Variants in SPIDR observed in about 807,000 individuals in gnomAD.
The protein encoded by SPIDR is scaffold protein involved in DNA repair, also known as DNA repair-scaffolding protein.
Under a neutral mutation model 104.6 loss-of-function variants are expected in SPIDR, and 93 were observed. That is an observed-to-expected ratio of 0.89 (90% CI 0.75 to 1.06). The LOEUF is 1.06. Ranked by LOEUF, SPIDR falls within the 50% of genes least tolerant of loss-of-function variation. The probability of loss-of-function intolerance (pLI) is 0.00; values close to 1 mark genes in which losing one functional copy is unlikely to be tolerated. For synonymous variants in SPIDR, 431 were observed against 416.9 expected, an observed-to-expected ratio of 1.03 and a Z score of -0.41; for missense variants, 1,154 against 1,111.2, an observed-to-expected ratio of 1.04 and a Z score of -0.55.
intron 5 of SPIDR, chr8:47,330,950 G>A (rs1312538844): frequency 2.4e-5 from 8 of 337,154 alleles, no homozygotes; most frequent in Non-Finnish European, 4.2e-5. Flanking sequence ...CAAAGTGGCT[G>A]TAACATTTTG....
chr8:47,282,852 TTTTC>T (rs1825625579), intron 2 of SPIDR, among the ~76,000 whole-genome samples: 1 of 151,698 alleles, frequency 6.6e-6, no homozygotes, highest in African/African-American at 2.4e-5. Flanking sequence ...CCAGCTTCTT[TTTTC>T]TTTTTCTTTT....
At chr8:47,587,804 A>T (rs998674941) in intron 8 of SPIDR, among the ~76,000 whole-genome samples, 29 of 147,000 alleles carry the variant, frequency 2.0e-4, no homozygotes, top group African/African-American at 7.0e-4. Context: ...AGATCAATTT[A>T]AAAAAAAAAT....
chr8:47,707,272 T>A (rs1380262420), intron 14 of SPIDR, among the ~76,000 whole-genome samples: 4 of 144,320 alleles, frequency 2.8e-5, no homozygotes, highest in Non-Finnish European at 3.1e-5. Context: ...AAAAAAAAAA[T>A]TCATTAAAGA....
intron 10 of SPIDR, among the ~76,000 whole-genome samples, chr8:47,670,497 G>A (rs2075649526): frequency 2.6e-5 from 4 of 152,068 alleles, no homozygotes; most frequent in Admixed American, 6.5e-5. Flanking sequence ...TTTGTGGATC[G>A]ATTACCAACA....
chr8:47,511,171 A>G, intron 8 of SPIDR: 16 of 1,563,034 alleles, frequency 1.0e-5, no homozygotes, highest in Non-Finnish European at 1.4e-5. Flanking sequence ...GGCATCCACA[A>G]TGAAGAGTTG....
chr8:47,267,658 T>C (rs1245425217), intron 1 of SPIDR, among the ~76,000 whole-genome samples: 1 of 152,220 alleles, frequency 6.6e-6, no homozygotes, highest in South Asian at 2.1e-4. Context: ...CTTGAAGAAA[T>C]GTTTATTCAG....
At chr8:47,278,361 C>G (rs1313820790) in intron 1 of SPIDR, among the ~76,000 whole-genome samples, 1 of 151,460 alleles carries the variant, frequency 6.6e-6, no homozygotes, top group Non-Finnish European at 1.5e-5. Flanking sequence ...GCTCTGTCAC[C>G]CAGGCTGGAA....
intron 11 of SPIDR, among the ~76,000 whole-genome samples, chr8:47,696,992 G>A (rs1055339273): frequency 1.3e-5 from 2 of 152,128 alleles, no homozygotes; most frequent in African/African-American, 4.8e-5. Context: ...CCTTCCGCGT[G>A]GCCCTCATCT....
chr8:47,562,645 G>A (rs543257611), intron 8 of SPIDR, among the ~76,000 whole-genome samples: 23 of 152,318 alleles, frequency 1.5e-4, no homozygotes, highest in South Asian at 6.2e-4. Context: ...TGAAGACTGC[G>A]CGCAGTCCAG....
rs1308522561 is a variant in SPIDR, at chr8:47,599,004, CAA to C, written c.1355_1356del (p.Lys452ThrfsTer77). On this transcript the variant is annotated frameshift_variant, in exon 10 of 20. Transcript: ENST00000297423. LOFTEE classifies it high-confidence loss of function. ...GCCTGGACCCATGGGCACAAAGAAG[CAA>C]AACAGCGCATCCCAACCAGCACTCC... 1.1e-5 allele frequency: 18 copies of C among 1,613,582 alleles called. No homozygotes were observed. The highest frequency in any genetic ancestry group is 1.5e-5 in the Non-Finnish European group (18 of 1,179,796).
chr8:47,291,337 A>AAGT (rs2039866034), intron 4 of SPIDR, among the ~76,000 whole-genome samples, 200 bp downstream of exon 4: 1 of 152,214 alleles, frequency 6.6e-6, no homozygotes, highest in African/African-American at 2.4e-5. Flanking sequence ...CTACAATAAA[A>AAGT]AGTAGTGACA....
chr8:47,324,948 T>C (rs2047416240), intron 5 of SPIDR, among the ~76,000 whole-genome samples: 1 of 152,146 alleles, frequency 6.6e-6, no homozygotes, highest in Non-Finnish European at 1.5e-5. Flanking sequence ...GGTGGCTGTG[T>C]CTTGACATGG....
At chr8:47,304,208 C>T (rs2042738854) in intron 5 of SPIDR, among the ~76,000 whole-genome samples, 1 of 152,126 alleles carries the variant, frequency 6.6e-6, no homozygotes, top group African/African-American at 2.4e-5. Context: ...GAGTCTGTGT[C>T]CCCGCCCAAA....
At position 47,529,812 on chromosome 8, in the gene SPIDR, A is replaced by T. The variant is rs1227093098; in HGVS notation, c.1098-65999A>T. Among the ~76,000 whole-genome samples the T allele has an allele frequency of 7.2e-5, 11 of 152,228 alleles. 1 individual carries two copies. The highest frequency in any genetic ancestry group is 2.0e-4 in the Admixed American group (3 of 15,288). The stretch of plus-strand genomic sequence containing the variant: ...AATATTATAAGAGATACAAGGAGGA[A>T]TTAGAAATATTTTGTTATTGTAAAG... On this transcript the variant is annotated intron_variant, in intron 8 of 19. Coordinates refer to ENST00000297423, the MANE Select transcript of SPIDR (RefSeq NM_001080394.4).
chr8:47,335,432 A>G (rs544935362), intron 5 of SPIDR, among the ~76,000 whole-genome samples: 19 of 151,942 alleles, frequency 1.3e-4, no homozygotes, highest in African/African-American at 4.3e-4. Flanking sequence ...TTCTTTGTTT[A>G]TGTGGTTTTT....
chr8:47,567,566 T>C (rs1171762945), intron 8 of SPIDR, among the ~76,000 whole-genome samples: 3 of 152,022 alleles, frequency 2.0e-5, no homozygotes, highest in Non-Finnish European at 4.4e-5. Flanking sequence ...GACTCTGCCA[T>C]TGCATTCAAA....
At chr8:47,482,172 G>A (rs1306238266) in intron 8 of SPIDR, among the ~76,000 whole-genome samples, 2 of 152,168 alleles carry the variant, frequency 1.3e-5, no homozygotes, top group African/African-American at 4.8e-5. Flanking sequence ...TTACCTCTAT[G>A]CTTTGAAATC....
chr8:47,375,387 G>T (rs757393759), intron 5 of SPIDR, among the ~76,000 whole-genome samples: 1 of 151,252 alleles, frequency 6.6e-6, no homozygotes, highest in Non-Finnish European at 1.5e-5. Context: ...AATTACAGGC[G>T]CACACCACCG....
At chr8:47,361,838 T>C (rs1404347082) in intron 5 of SPIDR, among the ~76,000 whole-genome samples, 1 of 152,156 alleles carries the variant, frequency 6.6e-6, no homozygotes, top group Non-Finnish European at 1.5e-5. Context: ...TTTAGTTGGC[T>C]CCATATGGTT....
Sources: allele counts gnomAD v4.1 joint callset (sites outside exome capture counted in the v4.1 genomes callset), GRCh38; gene constraint gnomAD v4.1.1; transcripts MANE v1.5; gene names NCBI Gene and HGNC (gene_info 2026-07-23, HGNC 2026-07-21).